NBEAL2: variants seen among roughly 807,000 people sequenced by gnomAD.
The protein encoded by NBEAL2 is neurobeachin like 2, also known as neurobeachin-like protein 2.
Under a neutral mutation model 299.8 loss-of-function variants are expected in NBEAL2, and 160 were observed. The ratio of observed to expected loss-of-function variants is 0.53; its 90% confidence interval spans 0.47 to 0.61. The LOEUF is 0.61. NBEAL2 is among the 20% of genes least tolerant of loss of function. The pLI is 0.00. For synonymous variants in NBEAL2, 1,493 were observed against 1,542.3 expected (o/e 0.97, Z 0.75); for missense variants, 3,112 against 3,649.0 (o/e 0.85, Z 3.79).
At position 46,999,305 on chromosome 3, in the gene NBEAL2, C is replaced by T; in HGVS notation, c.3544-10C>T. The T allele has an allele frequency of 1.2e-6, 2 of 1,603,212 alleles. No individual in the cohort carries two copies. The highest frequency in any genetic ancestry group is 1.3e-5 in the African/African-American group (1 of 74,762). On this transcript the variant is annotated splice_polypyrimidine_tract_variant and intron_variant, in intron 24 of 53. Transcript: ENST00000450053. ...CACATGATGACAGTCCTCCGATGAC[C>T]CCCACACAGATCCTGCGCAGACTGC...
Position 46,998,759 on chromosome 3 carries a change from C to T in NBEAL2, c.3264C>T (p.Thr1088=), listed in dbSNP as rs754356961. The T allele has an allele frequency of 2.5e-6, 4 of 1,580,240 alleles. No individual in the cohort carries two copies. In the African/African-American group the frequency reaches 4.0e-5, roughly 16 times the overall value. Residue 1088 remains threonine, a synonymous_variant, in exon 23 of 54, where the codon ACC becomes ACT. Coordinates refer to ENST00000450053, the MANE Select transcript of NBEAL2 (RefSeq NM_015175.3). ...CCCTGGCTGCTGACGACCTACGCAC[C>T]GTGCAGACCTCCCTCCTGGGCCTGG... ...ERPLAADDLR[T]VQTSLLGLAR...
Position 46,992,530 on chromosome 3 carries a change from TACTG to T in NBEAL2, c.1094_1097del (p.Thr365SerfsTer19), listed in dbSNP as rs1264874813. The T allele has an allele frequency of 1.2e-6, 2 of 1,602,194 alleles. No individual in the cohort carries two copies. The highest frequency in any genetic ancestry group is 2.3e-5 in the East Asian group (1 of 44,322). Reference sequence around the variant, plus strand: ...GGGGACAGTGACCTGGCTACCCGGTTACTGACTGAGCCCGATGTCCAAAAGGTAC... The same window carrying T: ...GGGGACAGTGACCTGGCTACCCGGTTACTGAGCCCGATGTCCAAAAGGTAC... On this transcript the variant is annotated frameshift_variant, in exon 10 of 54. Coordinates refer to ENST00000450053, the MANE Select transcript of NBEAL2 (RefSeq NM_015175.3). LOFTEE classifies it high-confidence loss of function.
Position 47,009,553 on chromosome 3 carries a change from CCGCAG to C in NBEAL2, c.*235_*239del. The C allele has an allele frequency of 1.8e-6, 1 of 554,456 alleles. No homozygotes were observed. The allele number at this position is 554,456 out of a possible 1,614,324, so 34.3% of individuals were successfully genotyped here. ...TGAGGGCCAGCACTGGCGTCTGCGG[CCGCAG>C]CAGCACTTTTTGCACAGTCTGGGGC... is the stretch of plus-strand genomic sequence containing the variant. On this transcript the variant is annotated 3_prime_UTR_variant, in exon 54 of 54. Transcript: ENST00000450053.
In NBEAL2 at chr3:47,007,101, G is replaced by C. The variant is rs2037499673; in HGVS notation, c.7170G>C (p.Leu2390=). ...ATGGTGTACCCCTGGTGCTAGCCCT[G>C]GTCCCCCACCGGCAGCCCCACTCCT... The part of the protein sequence containing the change: ...VSDGVPLVLA[L]VPHRQPHSFI... The change falls in exon 46 of 54, where the codon CTG becomes CTC. Residue 2390 remains leucine (L), a synonymous_variant. Coordinates refer to ENST00000450053, the MANE Select transcript of NBEAL2 (RefSeq NM_015175.3). 6.2e-7 allele frequency: 1 copy of C among 1,613,188 alleles called. No individual in the cohort carries two copies. Among genetic ancestry groups the C allele is most frequent in the South Asian group, 1.1e-5 (1 of 90,974 alleles).
intron 52 of NBEAL2, 40 bp downstream of exon 52, chr3:47,008,708 G>A: frequency 6.2e-7 from 1 of 1,609,714 alleles, no homozygotes; most frequent in Non-Finnish European, 8.5e-7. Context: ...CCTGAAGGTG[G>A]TGGTCATTGG....
rs1455014889 is a variant in NBEAL2, at chr3:46,991,342, T to C, written c.642+38T>C. ...GTGAGCCTGTGGACTAGAGAGCAGC[T>C]CTTTCAGTATCTCTCTGCTGGGTGA... is the stretch of plus-strand genomic sequence containing the variant. On this transcript the variant is annotated intron_variant, in intron 7 of 53. Coordinates refer to ENST00000450053, the MANE Select transcript of NBEAL2 (RefSeq NM_015175.3). The surrounding 1 kb of genome is among the most constrained non-coding windows in gnomAD (Gnocchi z 6.2). 1.3e-6 allele frequency: 2 copies of C among 1,584,568 alleles called. No individual in the cohort carries two copies. Among genetic ancestry groups the C allele is most frequent in the African/African-American group, 2.7e-5 (2 of 74,242 alleles).
At chr3:46,997,980 G>C in intron 20 of NBEAL2, 87 bp from the exon 21 acceptor site, 2 of 1,439,762 alleles carry the variant, frequency 1.4e-6, no homozygotes, top group South Asian at 2.8e-5. Context: ...GGCCGTCATG[G>C]CTGTGCAGGG....
rs759532255 is a variant in NBEAL2, at chr3:47,004,145, C to T, written c.5950C>T (p.Arg1984Cys). Residue 1984 changes from arginine to cysteine, a missense_variant, in exon 37 of 54, where the codon CGC becomes TGC. Arg to Cys is a radical substitution (Grantham distance 180, BLOSUM62 -3). This residue lies in a region of NBEAL2 where 521 missense variants were observed against 729.6 expected (regional missense o/e 0.71). Transcript: ENST00000450053. The surrounding 1 kb of genome is among the most constrained non-coding windows in gnomAD (Gnocchi z 5.0). ...GGTCCACCTGCGGCGTTTCAACCTG[C>T]GCCGTTCAGCACTTGAGCTCTTCTT... ...REVHLRRFNL[R>C]RSALELFFID... 63 of 1,613,584 alleles carry T rather than the reference C, an allele frequency of 3.9e-5. No individual in the cohort carries two copies. Among genetic ancestry groups the T allele is most frequent in the Middle Eastern group, 1.6e-4 (1 of 6,080 alleles).
Position 46,997,634 on chromosome 3 carries a change from G to A in NBEAL2, c.2898G>A (p.Val966=). ...GGAACTTCCTTCAGGGTCACATGGT[G>A]AACCAAGAGAGCCTGGTGCAGTGCC... is the stretch of plus-strand genomic sequence containing the variant. ...MLRNFLQGHM[V]NQESLVQCQG... Residue 966 remains valine, a synonymous_variant, in exon 20 of 54, where the codon GTG becomes GTA. Transcript: ENST00000450053. 1 of 1,594,250 alleles carries A rather than the reference G, an allele frequency of 6.3e-7. No homozygotes were observed. Among genetic ancestry groups the A allele is most frequent in the Non-Finnish European group, 8.6e-7 (1 of 1,166,186 alleles).
Position 46,989,011 on chromosome 3 carries a change from G to A in NBEAL2, c.269+41G>A, listed in dbSNP as rs980103410. 5.0e-6 allele frequency: 8 copies of A among 1,612,126 alleles called. No homozygotes were observed. Among genetic ancestry groups the A allele is most frequent in the Non-Finnish European group, 6.8e-6 (8 of 1,179,068 alleles). On this transcript the variant is annotated intron_variant, in intron 3 of 53. Transcript: ENST00000450053. This position sits in a 1 kb window ranked among gnomAD's most constrained non-coding sequence, Gnocchi z 5.5. ...ACTCTACAAGCAGGGGCCTAGAACT[G>A]TGGGCCAGAGGGAGAGGGGACAAGG... is the stretch of plus-strand genomic sequence containing the variant.
rs766113174 is a variant in NBEAL2 at position 46,995,497 on chromosome 3, G to A, written c.1762G>A (p.Ala588Thr). ...CTACTTTGACCTCACGCCCAGCATG[G>A]CGGGCATCATGGTACCCCCTGTACA... Reference protein sequence around the residue: ...LRYFDLTPSMAGIMVPPVQRW... With the variant: ...LRYFDLTPSMTGIMVPPVQRW... The change falls in exon 13 of 54, where the codon GCG (alanine) becomes ACG (threonine). Residue 588 changes from alanine (A) to threonine (T), a missense_variant. Physicochemically the swap from Ala to Thr is moderately conservative, Grantham distance 58. Coordinates refer to ENST00000450053, the MANE Select transcript of NBEAL2 (RefSeq NM_015175.3). 178 of 1,612,898 alleles carry A rather than the reference G, an allele frequency of 1.1e-4. 8 individuals carry two copies. In the South Asian group the frequency reaches 1.5e-3, roughly 14 times the overall value.
chr3:46,989,097 C>T lies in NBEAL2; in HGVS notation c.282C>T (p.Asn94=). 1 of 1,613,854 alleles carries T rather than the reference C, an allele frequency of 6.2e-7. No individual in the cohort carries two copies. The highest frequency in any genetic ancestry group is 1.1e-5 in the South Asian group (1 of 91,058). The stretch of plus-strand genomic sequence containing the variant: ...TTGACTCCCCCAGGAACCTGGAGAA[C>T]ATAGAGGCAGGCCGGGGCCAAGTGC... ...LFIILCRNLE[N]IEAGRGQVLV... is the part of the protein sequence containing the mutation. The change falls in exon 4 of 54, where the codon AAC becomes AAT. Residue 94 remains asparagine (N), a synonymous_variant. Transcript: ENST00000450053. The surrounding 1 kb of genome is among the most constrained non-coding windows in gnomAD (Gnocchi z 5.5).
At position 46,996,802 on chromosome 3, in the gene NBEAL2, G is replaced by GCAC; in HGVS notation, c.2528_2530dup (p.Thr843dup). 3.7e-6 allele frequency: 6 copies of GCAC among 1,612,720 alleles called. No homozygotes were observed. Among genetic ancestry groups the GCAC allele is most frequent in the Non-Finnish European group, 5.1e-6 (6 of 1,179,820 alleles). On this transcript the variant is annotated inframe_insertion, in exon 17 of 54. Transcript: ENST00000450053. ...CCTGAGGGGGAGCTGCATGAGCTCA[G>GCAC]CACCAGGCTGCTCCTCCATTACTCA...
rs1559597422 is a variant in NBEAL2, at chr3:46,996,370, C to T, written c.2251C>T (p.His751Tyr). 2 of 1,612,496 alleles carry T rather than the reference C, an allele frequency of 1.2e-6. No homozygotes were observed. Among genetic ancestry groups the T allele is most frequent in the Non-Finnish European group, 1.7e-6 (2 of 1,179,808 alleles). Residue 751 changes from histidine to tyrosine, a missense_variant, in exon 16 of 54, where the codon CAC becomes TAC. Physicochemically the swap from His to Tyr is moderately conservative, Grantham distance 83 (BLOSUM62 2). Transcript: ENST00000450053. ...PPVPATLAYT[H>Y]PALTRSQSVP... ...AGTCCCCGCCACCCTGGCCTACACT[C>T]ACCCCGCCCTCACCCGCTCCCAGTC...
chr3:47,006,577 G>A, intron 45 of NBEAL2, 128 bp downstream of exon 45: 1 of 930,954 alleles, frequency 1.1e-6, no homozygotes, highest in Non-Finnish European at 1.7e-6. Flanking sequence ...CTTAGAAAAT[G>A]AGCTAAACAT....
In NBEAL2 at chr3:46,986,152, C is replaced by T. The variant is rs117444559; in HGVS notation, c.52-2517C>T. ...GACCTCGTCATCCCCTTTCAGAGCC[C>T]CTGAAGGCTGTCTTGATTGTCCCAG... On this transcript the variant is annotated intron_variant, in intron 1 of 53. Transcript: ENST00000450053. Among the ~76,000 whole-genome samples, 11 of 152,240 alleles carry T rather than the reference C, an allele frequency of 7.2e-5. 1 individual carries two copies. The East Asian group carries it at 1.9e-3, about 27-fold the overall frequency.
chr3:46,991,965 G>T lies in NBEAL2; in HGVS notation c.1032+19G>T. 1.3e-6 allele frequency: 2 copies of T among 1,572,798 alleles called. No individual in the cohort carries two copies. The highest frequency in any genetic ancestry group is 3.7e-5 in the Admixed American group (2 of 53,992). ...CAGCAAGGTGGGTAGGGCCCAGCCT[G>T]GGGGTGAGGGTCTGGAAGCCAGAGG... On this transcript the variant is annotated intron_variant, in intron 9 of 53. Transcript: ENST00000450053. The surrounding 1 kb of genome is among the most constrained non-coding windows in gnomAD (Gnocchi z 6.2).
At position 46,995,613 on chromosome 3, in the gene NBEAL2, C is replaced by A. The variant is rs199533501; in HGVS notation, c.1878C>A (p.Leu626=). 1.0e-4 allele frequency: 165 copies of A among 1,611,554 alleles called. 1 individual carries two copies. In the African/African-American group the frequency reaches 1.7e-3, roughly 17 times the overall value. The change falls in exon 13 of 54, where the codon CTC becomes CTA. Residue 626 remains leucine, a synonymous_variant. Coordinates refer to ENST00000450053, the MANE Select transcript of NBEAL2 (RefSeq NM_015175.3). ...TAPTPAPTRP[L]QRKQLYSFFT... ...CTACCCCTGCCCCCACCCGACCACT[C>A]CAGCGAAAGCAGCTGTACAGGTGGG...
At position 46,991,608 on chromosome 3, in the gene NBEAL2, A is replaced by T; in HGVS notation, c.845A>T (p.His282Leu). The T allele has an allele frequency of 6.2e-7, 1 of 1,600,192 alleles. No homozygotes were observed. Among genetic ancestry groups the T allele is most frequent in the Non-Finnish European group, 8.5e-7 (1 of 1,179,766 alleles). The change falls in exon 8 of 54, where the codon CAT (histidine) becomes CTT (leucine). Residue 282 changes from histidine to leucine, a missense_variant. His to Leu is a moderately conservative substitution (Grantham distance 99). Coordinates refer to ENST00000450053, the MANE Select transcript of NBEAL2 (RefSeq NM_015175.3). The surrounding 1 kb of genome is among the most constrained non-coding windows in gnomAD (Gnocchi z 6.2). Reference protein sequence around the residue: ...ELRALLESYFHVLNADWPAGL... With the variant: ...ELRALLESYFLVLNADWPAGL... ...CGTGCCCTGCTTGAGAGCTACTTCC[A>T]TGTCCTTAATGCTGACTGGCCAGCT...
Sources: gnomAD v4.1 joint callset for allele counts (sites outside exome capture counted in the v4.1 genomes callset) on GRCh38, gnomAD v4.1.1 for gene constraint, gnomAD v4.1.1 regional missense constraint, Gnocchi (gnomAD v3.1) non-coding constraint, MANE v1.5 for transcripts, NCBI Gene and HGNC (gene_info 2026-07-23, HGNC 2026-07-21) for gene names.